The following PPFIA2 variants were observed in gnomAD, a reference collection of about 807,000 sequenced individuals.
PPFIA2 encodes PPFI scaffold protein A2.
In PPFIA2, 46 loss-of-function variants were observed where a neutral mutation model predicts 175.5. The ratio of observed to expected loss-of-function variants is 0.26; its 90% confidence interval spans 0.21 to 0.34. The LOEUF (loss-of-function observed/expected upper bound fraction) is 0.34. Ranked by LOEUF, PPFIA2 falls within the 10% of genes least tolerant of loss-of-function variation. The pLI, the probability that PPFIA2 is intolerant of heterozygous loss-of-function variation, is 1.00. For synonymous variants in PPFIA2, 568 were observed against 511.4 expected, an observed-to-expected ratio of 1.11 and a Z score of -1.49; for missense variants, 1,179 against 1,506.1, an observed-to-expected ratio of 0.78 and a Z score of 3.60.
intron 4 of PPFIA2, among the ~76,000 whole-genome samples, chr12:81,481,132 C>T (rs1329210584): frequency 1.3e-5 from 2 of 152,118 alleles, no homozygotes; most frequent in African/African-American, 2.4e-5. Flanking sequence ...GAGTGAACTA[C>T]CATTCACAAT....
chr12:81,278,434 G>A lies in PPFIA2; in HGVS notation c.3213-1020C>T, dbSNP rs1420301184. Reference sequence around the variant, plus strand: ...CACATGCCTGTAGTCCCAGCTACTCGGGAGGCTGAGGCAGAAGAATCGCTT... The same window carrying A: ...CACATGCCTGTAGTCCCAGCTACTCAGGAGGCTGAGGCAGAAGAATCGCTT... On this transcript the variant is annotated intron_variant, in intron 27 of 32. Coordinates refer to ENST00000549396, the MANE Select transcript of PPFIA2 (RefSeq NM_003625.5). 7.9e-5 allele frequency among the ~76,000 whole-genome samples: 12 copies of A among 151,982 alleles called. No homozygotes were observed. In the East Asian group the frequency reaches 1.8e-3, roughly 22 times the overall value.
intron 4 of PPFIA2, among the ~76,000 whole-genome samples, chr12:81,585,254 G>A (rs564341504): frequency 2.7e-5 from 4 of 149,974 alleles, no homozygotes; most frequent in Non-Finnish European, 5.9e-5. Context: ...GTACACTACT[G>A]CAGGCATAGT....
intron 4 of PPFIA2, among the ~76,000 whole-genome samples, chr12:81,539,661 G>T (rs910313970): frequency 6.6e-6 from 1 of 151,770 alleles, no homozygotes; most frequent in Non-Finnish European, 1.5e-5. Flanking sequence ...AGTAGAATTT[G>T]GGGTAAAAAT....
At chr12:81,338,696 A>T (rs1439258594) in intron 21 of PPFIA2, among the ~76,000 whole-genome samples, 1 of 152,080 alleles carries the variant, frequency 6.6e-6, no homozygotes, top group Admixed American at 6.6e-5. Context: ...TTGTAGGCTT[A>T]TCAATTCTTT....
At chr12:81,296,698 A>T (rs555496815) in intron 23 of PPFIA2, 1 of 152,382 alleles carries the variant, frequency 6.6e-6, no homozygotes, top group South Asian at 2.1e-4. Flanking sequence ...ACTATAAATC[A>T]GCAAAATACA....
At chr12:81,516,814 A>C (rs1405257738) in intron 4 of PPFIA2, among the ~76,000 whole-genome samples, 1 of 152,112 alleles carries the variant, frequency 6.6e-6, no homozygotes. Context: ...CAACTAATAA[A>C]ATTGTTTTAT....
chr12:81,274,570 A>G (rs1214851573), intron 28 of PPFIA2, among the ~76,000 whole-genome samples: 1 of 150,608 alleles, frequency 6.6e-6, no homozygotes, highest in African/African-American at 2.4e-5. Flanking sequence ...TTTCCAAGCA[A>G]TGTATGCACT....
At chr12:81,558,638 T>A (rs1217329686) in intron 4 of PPFIA2, among the ~76,000 whole-genome samples, 1 of 152,058 alleles carries the variant, frequency 6.6e-6, no homozygotes, top group Non-Finnish European at 1.5e-5. Context: ...GAGTTAACAG[T>A]CTCTCAAAGG....
intron 4 of PPFIA2, among the ~76,000 whole-genome samples, chr12:81,584,270 TCAGA>T (rs1442094602): frequency 3.3e-5 from 5 of 151,904 alleles, no homozygotes; most frequent in African/African-American, 9.7e-5. Flanking sequence ...AATAATGTAG[TCAGA>T]CAGTGATAAA....
chr12:81,367,681 T>C (rs768350601), intron 13 of PPFIA2, among the ~76,000 whole-genome samples: 135 of 151,632 alleles, frequency 8.9e-4, no homozygotes, highest in Admixed American at 4.6e-4. Context: ...TAACAAACTC[T>C]AGCTATTCAG....
chr12:81,496,007 G>A (rs1025301967), intron 4 of PPFIA2, among the ~76,000 whole-genome samples: 4 of 152,142 alleles, frequency 2.6e-5, no homozygotes, highest in African/African-American at 9.7e-5. Flanking sequence ...GATAAGAAGT[G>A]ATATTATGAC....
Position 81,375,799 on chromosome 12 carries a change from C to A in PPFIA2, c.1128G>T (p.Arg376=). Residue 376 remains arginine, a synonymous_variant, in exon 10 of 33, where the codon CGG becomes CGT. Coordinates refer to ENST00000549396, the MANE Select transcript of PPFIA2 (RefSeq NM_003625.5). ...AACCAAGACAGAGATACTGAACCTGCCGCAGGATAGCTTCTTTATTTGCTA... is the reference window on the plus strand; with the variant it reads ...AACCAAGACAGAGATACTGAACCTGACGCAGGATAGCTTCTTTATTTGCTA... ...NELANKEAIL[R]QMEEKNRQLQ... is the part of the protein sequence containing the mutation. The A allele has an allele frequency of 6.2e-7, 1 of 1,605,652 alleles. No homozygotes were observed. Among genetic ancestry groups the A allele is most frequent in the South Asian group, 1.1e-5 (1 of 90,812 alleles).
intron 27 of PPFIA2, among the ~76,000 whole-genome samples, chr12:81,278,782 C>T (rs1289027980): frequency 6.6e-6 from 1 of 152,130 alleles, no homozygotes; most frequent in Non-Finnish European, 1.5e-5. Flanking sequence ...AAAAAATAAT[C>T]TGTAGACTTC....
chr12:81,552,055 AATAG>A (rs1370351286), intron 4 of PPFIA2, among the ~76,000 whole-genome samples: 1 of 151,680 alleles, frequency 6.6e-6, no homozygotes, highest in Non-Finnish European at 1.5e-5. Context: ...ACACAATTTT[AATAG>A]ATAAAATTAA....
intron 4 of PPFIA2, among the ~76,000 whole-genome samples, chr12:81,547,721 T>C (rs2067224378): frequency 6.6e-6 from 1 of 152,186 alleles, no homozygotes; most frequent in South Asian, 2.1e-4. Context: ...GTTGACACTC[T>C]ATAAAAATTC....
chr12:81,398,666 T>G (rs935174329), intron 8 of PPFIA2, among the ~76,000 whole-genome samples: 1 of 152,100 alleles, frequency 6.6e-6, no homozygotes, highest in Non-Finnish European at 1.5e-5. Flanking sequence ...CCGTAGCCGC[T>G]TTGTTAATGA....
intron 4 of PPFIA2, among the ~76,000 whole-genome samples, chr12:81,659,192 C>T (rs147291690): frequency 7.9e-5 from 12 of 152,220 alleles, no homozygotes; most frequent in Middle Eastern, 3.4e-3. Flanking sequence ...GGGTTCATCT[C>T]ACTGGGGATT....
intron 7 of PPFIA2, among the ~76,000 whole-genome samples, chr12:81,416,402 A>G (rs747690683): frequency 6.6e-6 from 1 of 151,602 alleles, no homozygotes; most frequent in African/African-American, 2.4e-5. Flanking sequence ...AAGATAAAGA[A>G]ACTGCAATAA....
intron 4 of PPFIA2, among the ~76,000 whole-genome samples, chr12:81,503,793 CA>C (rs1296273453): frequency 6.6e-6 from 1 of 151,896 alleles, no homozygotes; most frequent in East Asian, 1.9e-4. Context: ...TATGTATAAA[CA>C]AGGCAAAGCT....
Sources: allele counts gnomAD v4.1 joint callset (sites outside exome capture counted in the v4.1 genomes callset), GRCh38; gene constraint gnomAD v4.1.1; transcripts MANE v1.5; gene names NCBI Gene and HGNC (gene_info 2026-07-23, HGNC 2026-07-21).